Variants in ASXL3 observed in about 807,000 individuals in gnomAD.
The protein encoded by ASXL3 is putative Polycomb group protein ASXL3.
A neutral mutation model predicts 170.6 loss-of-function variants in ASXL3; 34 were observed. The ratio of observed to expected loss-of-function variants is 0.20; its 90% CI spans 0.15 to 0.27. The LOEUF (loss-of-function observed/expected upper bound fraction) is 0.27, where lower values mean the gene tolerates loss of function less well. Ranked by LOEUF, ASXL3 falls within the 10% of genes least tolerant of loss-of-function variation. The pLI, the probability that ASXL3 is intolerant of heterozygous loss-of-function variation, is 1.00. For missense variants in ASXL3, 2,592 were observed against 2,695.3 expected (o/e 0.96, Z 0.85); for synonymous variants, 1,002 against 989.1 (o/e 1.01, Z -0.24).
intron 4 of ASXL3, among the ~76,000 whole-genome samples, chr18:33,650,153 C>A (rs2065975024): frequency 6.6e-6 from 1 of 152,000 alleles, no homozygotes; most frequent in South Asian, 2.1e-4. Flanking sequence ...TTGAAACAGA[C>A]AATTATAGTA....
At chr18:33,724,524 A>C (rs1033420498) in intron 8 of ASXL3, among the ~76,000 whole-genome samples, 1 of 152,028 alleles carries the variant, frequency 6.6e-6, no homozygotes, top group African/African-American at 2.4e-5. Flanking sequence ...ATACTTTTAC[A>C]ACTCTTAATG....
chr18:33,652,972 A>G (rs1230607346), intron 4 of ASXL3, among the ~76,000 whole-genome samples: 1 of 152,080 alleles, frequency 6.6e-6, no homozygotes, highest in Admixed American at 6.6e-5. Context: ...CACCCTGGGG[A>G]GTAGTCACAC....
intron 8 of ASXL3, among the ~76,000 whole-genome samples, chr18:33,700,236 TA>T (rs1252380598): frequency 6.6e-6 from 1 of 151,966 alleles, no homozygotes; most frequent in African/African-American, 2.4e-5. Flanking sequence ...GTAATCAAGA[TA>T]AAAATAGGAA....
rs2067834999 is a variant in ASXL3 at position 33,748,587 on chromosome 18, T to G, written c.*1992T>G. On this transcript the variant is annotated 3_prime_UTR_variant, in exon 12 of 12. Transcript: ENST00000269197. ...AGCAGCATAAGTTCCAGTGGATCCT[T>G]AGTTTTCTCTTCACTGCCTGCCAGG... The G allele has an allele frequency of 6.6e-6, 1 of 152,256 alleles. No homozygotes were observed. The highest frequency in any genetic ancestry group is 2.4e-5 in the African/African-American group (1 of 41,464). 9.4% of individuals were successfully genotyped at this position (152,256 alleles called of 1,614,324 possible).
At chr18:33,718,703 CTT>C (rs556271791) in intron 8 of ASXL3, among the ~76,000 whole-genome samples, 1 of 146,412 alleles carries the variant, frequency 6.8e-6, no homozygotes, top group Non-Finnish European at 1.5e-5. Flanking sequence ...TTTTCTTTTT[CTT>C]TTTTTTTTTC....
intron 4 of ASXL3, among the ~76,000 whole-genome samples, chr18:33,656,477 A>G (rs1418982238): frequency 2.6e-5 from 4 of 152,044 alleles, no homozygotes; most frequent in Non-Finnish European, 5.9e-5. Context: ...ATAGTACACA[A>G]TATCGGTGTT....
chr18:33,744,764 C>A lies in ASXL3; in HGVS notation c.4916C>A (p.Pro1639Gln). ...KQKEYLEQSC[P>Q]KAIKTEHANY... is the part of the protein sequence containing the mutation. Reference sequence around the variant, plus strand: ...AAAGAATATCTAGAGCAAAGCTGTCCAAAGGCTATCAAAACTGAACATGCC... The same window carrying A: ...AAAGAATATCTAGAGCAAAGCTGTCAAAAGGCTATCAAAACTGAACATGCC... The change falls in exon 12 of 12, where the codon CCA (proline) becomes CAA (glutamine). Residue 1639 changes from proline to glutamine, a missense_variant. By Grantham distance (76) the Pro-to-Gln change is moderately conservative. This residue lies in a region of ASXL3 where 2,246 missense variants were observed against 2,219.6 expected (regional missense o/e 1.01). Transcript: ENST00000269197. The A allele has an allele frequency of 6.2e-7, 1 of 1,614,022 alleles. No individual in the cohort carries two copies. The highest frequency in any genetic ancestry group is 8.5e-7 in the Non-Finnish European group (1 of 1,179,898).
At chr18:33,692,467 A>G (rs1245144161) in intron 8 of ASXL3, among the ~76,000 whole-genome samples, 1 of 152,060 alleles carries the variant, frequency 6.6e-6, no homozygotes, top group African/African-American at 2.4e-5. Context: ...CCTGACAGGG[A>G]TGCTTTTGGC....
chr18:33,648,800 T>A (rs960983168), intron 4 of ASXL3, among the ~76,000 whole-genome samples: 1 of 152,058 alleles, frequency 6.6e-6, no homozygotes, highest in Non-Finnish European at 1.5e-5. Context: ...ACGGTAAGAT[T>A]TTCTGTCCTG....
chr18:33,663,572 A>G (rs1298106862), intron 5 of ASXL3, among the ~76,000 whole-genome samples: 1 of 152,036 alleles, frequency 6.6e-6, no homozygotes. Flanking sequence ...CTTTGTTTTA[A>G]GAATCATGTC....
chr18:33,661,370 G>T (rs897768115), intron 4 of ASXL3, among the ~76,000 whole-genome samples: 1 of 152,000 alleles, frequency 6.6e-6, no homozygotes, highest in African/African-American at 2.4e-5. Context: ...ATAGCTCAAT[G>T]ACATAGAAAT....
In ASXL3 at chr18:33,744,290, T is replaced by C. The variant is rs1354555056; in HGVS notation, c.4442T>C (p.Leu1481Pro). ...CKVIVDHSTTLTSSLSLTVSV... is the reference protein window; with the variant it reads ...CKVIVDHSTTPTSSLSLTVSV... ...GTCATCGTTGACCACAGCACCACGC[T>C]GACCTCCAGTTTGTCTCTGACTGTC... The change falls in exon 12 of 12, where the codon CTG (leucine) becomes CCG (proline). Residue 1481 changes from leucine to proline, a missense_variant. Physicochemically the swap from Leu to Pro is moderately conservative, Grantham distance 98. Around this residue, in one of 4 missense-constraint regions of ASXL3, gnomAD observed 2,246 missense variants for 2,219.6 expected, o/e 1.01. Transcript: ENST00000269197. 3.1e-6 allele frequency: 5 copies of C among 1,614,040 alleles called. No individual in the cohort carries two copies. The highest frequency in any genetic ancestry group is 4.2e-6 in the Non-Finnish European group (5 of 1,179,898).
At chr18:33,602,307 T>C (rs542796669) in intron 1 of ASXL3, among the ~76,000 whole-genome samples, 172 of 152,218 alleles carry the variant, frequency 1.1e-3, no homozygotes, top group African/African-American at 3.9e-3. Flanking sequence ...CAATAGCATA[T>C]AATTTTACCA....
Position 33,750,645 on chromosome 18 carries a change from T to C in ASXL3, c.*4050T>C, listed in dbSNP as rs1036665304. ...CATTTAATGCCTTTTTTAAAGGCGG[T>C]ATTACTCCTACAGTGTAACAGCAAA... On this transcript the variant is annotated 3_prime_UTR_variant, in exon 12 of 12. Coordinates refer to ENST00000269197, the MANE Select transcript of ASXL3 (RefSeq NM_030632.3). 2 of 152,092 alleles carry C rather than the reference T, an allele frequency of 1.3e-5. No individual in the cohort carries two copies. Among genetic ancestry groups the C allele is most frequent in the Non-Finnish European group, 2.9e-5 (2 of 68,022 alleles). The allele number at this position is 152,092 out of a possible 1,614,324, so 9.4% of individuals were successfully genotyped here.
intron 8 of ASXL3, among the ~76,000 whole-genome samples, chr18:33,709,371 G>A (rs554549986): frequency 6.6e-6 from 1 of 151,092 alleles, no homozygotes; most frequent in East Asian, 1.9e-4. Flanking sequence ...GCCAAAACTT[G>A]GAAACTACCA....
At chr18:33,674,560 G>GA (rs1467533539) in intron 7 of ASXL3, among the ~76,000 whole-genome samples, 3 of 151,640 alleles carry the variant, frequency 2.0e-5, no homozygotes, top group Admixed American at 1.3e-4. Flanking sequence ...AGTAGAAAAT[G>GA]AAAAAACATG....
At chr18:33,623,781 T>C (rs2065555102) in intron 2 of ASXL3, among the ~76,000 whole-genome samples, 1 of 152,196 alleles carries the variant, frequency 6.6e-6, no homozygotes, top group Non-Finnish European at 1.5e-5. Context: ...CTAGTTAGTG[T>C]TCTTTATTCA....
chr18:33,603,421 AT>A (rs973233066), intron 1 of ASXL3, among the ~76,000 whole-genome samples: 5 of 151,436 alleles, frequency 3.3e-5, no homozygotes, highest in South Asian at 2.1e-4. Flanking sequence ...CCTTTTTTGC[AT>A]TTTTTTTCTC....
chr18:33,616,719 C>T (rs1012092715), intron 2 of ASXL3: 5 of 152,178 alleles, frequency 3.3e-5, no homozygotes, highest in Admixed American at 6.6e-5. Flanking sequence ...TGGCAGTGTC[C>T]GTTTCTGGTA....
Sources: allele counts gnomAD v4.1 joint callset (sites outside exome capture counted in the v4.1 genomes callset), GRCh38; gene constraint gnomAD v4.1.1; regional missense constraint gnomAD v4.1.1; transcripts MANE v1.5; gene names NCBI Gene and HGNC (gene_info 2026-07-23, HGNC 2026-07-21).